MRTFA: variants seen among roughly 807,000 people sequenced by gnomAD.
MRTFA encodes the protein myocardin related transcription factor A.
MRTFA carries 20 observed loss-of-function variants against 83.5 expected under a neutral mutation model. The observed-to-expected ratio is 0.24, with a 90% CI of 0.17 to 0.35. The LOEUF (loss-of-function observed/expected upper bound fraction) is 0.35. Ranked by LOEUF, MRTFA falls within the 10% of genes least tolerant of loss-of-function variation. MRTFA has a pLI of 1.00. For synonymous variants in MRTFA, 659 were observed against 541.2 expected, an observed-to-expected ratio of 1.22 and a Z score of -3.02; for missense variants, 1,200 against 1,224.7, an observed-to-expected ratio of 0.98 and a Z score of 0.30.
rs763099736 is a variant in MRTFA at position 40,411,389 on chromosome 22, G to A, written c.*1C>T. 1.9e-6 allele frequency: 3 copies of A among 1,550,832 alleles called. No individual in the cohort carries two copies. The highest frequency in any genetic ancestry group is 1.8e-6 in the Non-Finnish European group (2 of 1,140,516). Reference sequence around the variant, plus strand: ...TCCCCACCCCGTCTTGAGCCAGAGAGCTACAAGCAGGAATCCCAGTGCAGC... The same window carrying A: ...TCCCCACCCCGTCTTGAGCCAGAGAACTACAAGCAGGAATCCCAGTGCAGC... On this transcript the variant is annotated 3_prime_UTR_variant, in exon 15 of 15. Transcript: ENST00000355630.
At chr22:40,540,121 A>G (rs570762744) in intron 3 of MRTFA, among the ~76,000 whole-genome samples, 1 of 151,696 alleles carries the variant, frequency 6.6e-6, no homozygotes, top group South Asian at 2.1e-4. Context: ...CATGTTGCCC[A>G]GGCTGCTCTT....
At position 40,618,399 on chromosome 22, in the gene MRTFA, T is replaced by C. The variant is rs563992868; in HGVS notation, c.-84+18079A>G. Among the ~76,000 whole-genome samples, 40 of 151,978 alleles carry C rather than the reference T, an allele frequency of 2.6e-4. 1 individual carries two copies. The East Asian group carries it at 6.8e-3, about 26-fold the overall frequency. ...GCCACCAGGCCTGGCCACTTTTTTA[T>C]ATATGGTAACCTCTCTGATAAGGAG... is the stretch of plus-strand genomic sequence containing the variant. On this transcript the variant is annotated intron_variant, in intron 1 of 14. Transcript: ENST00000355630.
intron 3 of MRTFA, among the ~76,000 whole-genome samples, chr22:40,534,973 T>C (rs891804076): frequency 1.3e-5 from 2 of 152,148 alleles, no homozygotes; most frequent in African/African-American, 2.4e-5. Context: ...AGAGAAGCAA[T>C]GCAAATTTGG....
At chr22:40,622,128 T>C (rs1396615117) in intron 1 of MRTFA, among the ~76,000 whole-genome samples, 2 of 152,134 alleles carry the variant, frequency 1.3e-5, no homozygotes, top group Non-Finnish European at 1.5e-5. Flanking sequence ...ATACCGGGAA[T>C]CTGTGAATGT....
chr22:40,587,139 G>A (rs2056042952), intron 2 of MRTFA: 4 of 457,270 alleles, frequency 8.7e-6, no homozygotes, highest in Admixed American at 2.5e-5. Context: ...GGCTTTTCAA[G>A]ATTCTGCTAA....
At chr22:40,527,566 G>A (rs930220945) in intron 3 of MRTFA, among the ~76,000 whole-genome samples, 2 of 151,824 alleles carry the variant, frequency 1.3e-5, no homozygotes, top group African/African-American at 2.4e-5. Flanking sequence ...GACTATCCTG[G>A]CTAACACAGT....
chr22:40,542,902 T>C (rs192082790), intron 3 of MRTFA, among the ~76,000 whole-genome samples: 1 of 152,338 alleles, frequency 6.6e-6, no homozygotes, highest in African/African-American at 2.4e-5. Flanking sequence ...AACAGTGATT[T>C]TCTCTGGGAG....
chr22:40,411,492 G>C lies in MRTFA; in HGVS notation c.2994C>G (p.Pro998=). 1.2e-6 allele frequency: 2 copies of C among 1,610,464 alleles called. No homozygotes were observed. The highest frequency in any genetic ancestry group is 8.5e-7 in the Non-Finnish European group (1 of 1,177,316). The change falls in exon 15 of 15, where the codon CCC becomes CCG. Residue 998 remains proline (P), a synonymous_variant. Transcript: ENST00000355630. Reference sequence around the variant, plus strand: ...TGCTGAGGGGGGCTAGGCTCAGCACGGGACCACCTGACGACAGCTCCAGCC... The same window carrying C: ...TGCTGAGGGGGGCTAGGCTCAGCACCGGACCACCTGACGACAGCTCCAGCC...
chr22:40,584,048 C>T (rs1288290823), intron 2 of MRTFA, among the ~76,000 whole-genome samples: 4 of 152,074 alleles, frequency 2.6e-5, no homozygotes, highest in East Asian at 1.9e-4. Flanking sequence ...TCACAATAAT[C>T]GAGTGTGACA....
chr22:40,608,420 A>T (rs746478152), intron 1 of MRTFA, among the ~76,000 whole-genome samples: 2 of 152,166 alleles, frequency 1.3e-5, no homozygotes, highest in Non-Finnish European at 2.9e-5. Context: ...CAGATGAAAA[A>T]TTTTAAACTT....
intron 3 of MRTFA, among the ~76,000 whole-genome samples, chr22:40,517,044 T>C (rs1209382819): frequency 6.6e-6 from 1 of 152,022 alleles, no homozygotes; most frequent in Admixed American, 6.6e-5. Context: ...TGCCCCAGCC[T>C]CCCAAGCAGC....
chr22:40,617,801 C>G (rs1047464046), intron 1 of MRTFA, among the ~76,000 whole-genome samples: 6 of 151,350 alleles, frequency 4.0e-5, no homozygotes, highest in Non-Finnish European at 1.5e-5. Context: ...AAAAAATCAA[C>G]TATGTCAAAT....
intron 4 of MRTFA, among the ~76,000 whole-genome samples, chr22:40,447,493 G>A (rs2053403351): frequency 6.6e-6 from 1 of 152,110 alleles, no homozygotes; most frequent in South Asian, 2.1e-4. Context: ...CTGCCTGCAT[G>A]GCATCAAGGA....
intron 3 of MRTFA, among the ~76,000 whole-genome samples, chr22:40,513,369 G>T (rs2147245147): frequency 1.3e-5 from 2 of 152,256 alleles, no homozygotes; most frequent in South Asian, 4.2e-4. Flanking sequence ...AGGAGGCCAA[G>T]GCGGGTGGAT....
rs966206904 is a variant in MRTFA, at chr22:40,610,043, C to CTT, written c.-83-15310_-83-15309dup. On this transcript the variant is annotated intron_variant, in intron 1 of 14. Transcript: ENST00000355630. The stretch of plus-strand genomic sequence containing the variant: ...CCAAATGTCTGTTTCTTTTTTTTCT[C>CTT]TTTTTTTTTTTTTTTTTTTTGAGAC... 2.3e-3 allele frequency among the ~76,000 whole-genome samples: 286 copies of CTT among 124,578 alleles called. 1 individual carries two copies. The highest frequency in any genetic ancestry group is 2.9e-3 in the Non-Finnish European group (168 of 58,014). The allele number at this position is 124,578 out of a possible 152,430, so 81.7% of individuals were successfully genotyped here. A position where few individuals can be genotyped will look rare whatever the true frequency, so the allele number is the denominator to read the frequency against.
intron 3 of MRTFA, among the ~76,000 whole-genome samples, chr22:40,511,081 G>A (rs949667466): frequency 1.3e-5 from 2 of 152,262 alleles, no homozygotes; most frequent in African/African-American, 4.8e-5. Flanking sequence ...GGTAGTTAGC[G>A]AAAGTATCTT....
Position 40,418,483 on chromosome 22 carries a change from C to T in MRTFA, c.2255G>A (p.Gly752Glu). 1 of 1,612,670 alleles carries T rather than the reference C, an allele frequency of 6.2e-7. No individual in the cohort carries two copies. Among genetic ancestry groups the T allele is most frequent in the East Asian group, 2.2e-5 (1 of 44,862 alleles). ...GGTGATGAGGGTGGGAGGTGCAACC[C>T]CCTTGATGAGGCTGGGGCCCTGAGG... Residue 752 changes from glycine to glutamate, a missense_variant, in exon 12 of 15, where the codon GGG becomes GAG. Physicochemically the swap from Gly to Glu is moderately conservative, Grantham distance 98. This residue lies in a region of MRTFA where 1,107 missense variants were observed against 1,041.8 expected (regional missense o/e 1.06). Transcript: ENST00000355630.
rs534297551 is a variant in MRTFA at position 40,585,058 on chromosome 22, A to G, written c.-22+9616T>C. Among the ~76,000 whole-genome samples the G allele has an allele frequency of 2.4e-4, 36 of 152,282 alleles. No individual in the cohort carries two copies. The South Asian group carries it at 7.5e-3, about 32-fold the overall frequency. On this transcript the variant is annotated intron_variant, in intron 2 of 14. Transcript: ENST00000355630. ...AAGACTCGGTCTCAAAAAGAAAACAAAAAAGTCAAGTCTCTCCTCATATTC... is the reference window on the plus strand; with the variant it reads ...AAGACTCGGTCTCAAAAAGAAAACAGAAAAGTCAAGTCTCTCCTCATATTC...
rs555026701 is a variant in MRTFA, at chr22:40,490,742, C to G, written c.242-27456G>C. Among the ~76,000 whole-genome samples, 9 of 152,144 alleles carry G rather than the reference C, an allele frequency of 5.9e-5. 1 individual carries two copies. In the Middle Eastern group the frequency reaches 0.014, roughly 230 times the overall value. On this transcript the variant is annotated intron_variant, in intron 3 of 14. Coordinates refer to ENST00000355630, the MANE Select transcript of MRTFA (RefSeq NM_020831.6). Reference sequence around the variant, plus strand: ...ATCATCCTGTTAAAATTATTAAAATCCCAAAGAAATCTGGAAAACTCAAAA... The same window carrying G: ...ATCATCCTGTTAAAATTATTAAAATGCCAAAGAAATCTGGAAAACTCAAAA...
Sources: gnomAD v4.1 joint callset for allele counts (sites outside exome capture counted in the v4.1 genomes callset) on GRCh38, gnomAD v4.1.1 for gene constraint, gnomAD v4.1.1 regional missense constraint, MANE v1.5 for transcripts, NCBI Gene and HGNC (gene_info 2026-07-23, HGNC 2026-07-21) for gene names.